C21orf58: variants seen among roughly 807,000 people sequenced by gnomAD.
The protein encoded by C21orf58 is uncharacterized protein C21orf58.
A neutral mutation model predicts 35.8 loss-of-function variants in C21orf58; 34 were observed. The observed-to-expected ratio is 0.95, with a 90% confidence interval of 0.72 to 1.26. The LOEUF is 1.26. Ranked by LOEUF, C21orf58 falls within the 50% of genes most tolerant of loss-of-function variation. C21orf58 has a pLI of 0.00. For missense variants in C21orf58, 440 were observed against 414.3 expected (o/e 1.06, Z -0.54); for synonymous variants, 191 against 175.8 (o/e 1.09, Z -0.68).
intron 5 of C21orf58, chr21:46,312,968 C>T (rs984833241): frequency 2.2e-5 from 22 of 983,876 alleles, no homozygotes; most frequent in Non-Finnish European, 2.5e-5. Context: ...GCCAAATATT[C>T]GAGCATGAAA....
Position 46,314,939 on chromosome 21 carries a change from G to A in C21orf58, c.445-59C>T, listed in dbSNP as rs1007355475. ...GACGGGGAGCCCCAACGCCACAGAG[G>A]CACCCCCAGCATCAGGCTCAGGCCA... On this transcript the variant is annotated intron_variant, in intron 4 of 7. Coordinates refer to ENST00000291691, the MANE Select transcript of C21orf58 (RefSeq NM_058180.5). 4.5e-6 allele frequency: 7 copies of A among 1,550,196 alleles called. No individual in the cohort carries two copies. In the Admixed American group the frequency reaches 1.4e-4, roughly 30 times the overall value.
chr21:46,311,819 C>T (rs1424490286), intron 5 of C21orf58, among the ~76,000 whole-genome samples: 3 of 150,526 alleles, frequency 2.0e-5, no homozygotes, highest in Non-Finnish European at 3.0e-5. Context: ...ATCCACCCAC[C>T]CATCCACCCA....
Position 46,301,694 on chromosome 21 carries a change from C to A in C21orf58, c.*305G>T. 1 of 1,159,390 alleles carries A rather than the reference C, an allele frequency of 8.6e-7. No homozygotes were observed. The highest frequency in any genetic ancestry group is 4.0e-5 in the East Asian group (1 of 24,754). 71.8% of individuals were successfully genotyped at this position (1,159,390 alleles called of 1,614,324 possible). ...GATGGAAGAGGGGGATCTGAGGCTC[C>A]CAGGTGGGCCGGCGCCGCCCTACAG... On this transcript the variant is annotated 3_prime_UTR_variant, in exon 8 of 8. Transcript: ENST00000291691.
intron 6 of C21orf58, among the ~76,000 whole-genome samples, chr21:46,305,888 G>A (rs1449293957): frequency 6.6e-6 from 1 of 152,002 alleles, no homozygotes; most frequent in Non-Finnish European, 1.5e-5. Context: ...CTTGCAGTGA[G>A]CTGAGATTGC....
Position 46,323,846 on chromosome 21 carries a change from G to T in C21orf58, c.-1108C>A. Reference sequence around the variant, plus strand: ...GACACAAAGCCCAGGGGCCGCCCGCGCGGGACCAGCAGCGCGAACTTTTTG... The same window carrying T: ...GACACAAAGCCCAGGGGCCGCCCGCTCGGGACCAGCAGCGCGAACTTTTTG... On this transcript the variant is annotated 5_prime_UTR_variant, in exon 1 of 8. Transcript: ENST00000291691. The T allele has an allele frequency of 5.4e-6, 2 of 369,854 alleles. No homozygotes were observed. Among genetic ancestry groups the T allele is most frequent in the East Asian group, 1.4e-4 (2 of 14,562 alleles). 22.9% of individuals were successfully genotyped at this position (369,854 alleles called of 1,614,324 possible). A position where few individuals can be genotyped will look rare whatever the true frequency, so the allele number is the denominator to read the frequency against.
chr21:46,318,164 C>A lies in C21orf58; in HGVS notation c.157G>T (p.Ala53Ser), dbSNP rs1346601347. The A allele has an allele frequency of 6.2e-7, 1 of 1,613,060 alleles. No homozygotes were observed. The highest frequency in any genetic ancestry group is 8.5e-7 in the Non-Finnish European group (1 of 1,180,020). ...TTACTCGCAGGAAAGAACTGCTCAGCAGGAGCCCAAGCACCGGTGTTGCCT... is the reference window on the plus strand; with the variant it reads ...TTACTCGCAGGAAAGAACTGCTCAGAAGGAGCCCAAGCACCGGTGTTGCCT... ...PAGNTGAWAP[A>S]EQFFPASNRT... Residue 53 changes from alanine to serine, a missense_variant, in exon 2 of 8, where the codon GCT becomes TCT. Ala to Ser is a moderately conservative substitution (Grantham distance 99, BLOSUM62 1). Coordinates refer to ENST00000291691, the MANE Select transcript of C21orf58 (RefSeq NM_058180.5).
At chr21:46,303,034 C>G (rs577464262) in intron 6 of C21orf58, among the ~76,000 whole-genome samples, 1 of 152,100 alleles carries the variant, frequency 6.6e-6, no homozygotes, top group African/African-American at 2.4e-5. Flanking sequence ...CGTGGTGGTT[C>G]AAGCCTGTAA....
intron 6 of C21orf58, among the ~76,000 whole-genome samples, chr21:46,303,190 T>A (rs1264384232): frequency 6.6e-6 from 1 of 151,642 alleles, no homozygotes; most frequent in Non-Finnish European, 1.5e-5. Flanking sequence ...TTAAAACATC[T>A]AAGCCAGTTG....
intron 6 of C21orf58, among the ~76,000 whole-genome samples, chr21:46,302,985 C>T (rs1043922077): frequency 1.3e-5 from 2 of 151,238 alleles, no homozygotes; most frequent in Non-Finnish European, 1.5e-5. Context: ...CCCCGGGGCG[C>T]GCCCTGAGTC....
At chr21:46,304,200 T>C (rs1009640340) in intron 6 of C21orf58, among the ~76,000 whole-genome samples, 3 of 151,250 alleles carry the variant, frequency 2.0e-5, no homozygotes, top group African/African-American at 7.3e-5. Flanking sequence ...CTAATTTTGT[T>C]TTTGTATTTT....
rs117585672 is a variant in C21orf58, at chr21:46,318,196, C to A, written c.125G>T (p.Arg42Leu). 1 of 1,612,494 alleles carries A rather than the reference C, an allele frequency of 6.2e-7. No homozygotes were observed. Among genetic ancestry groups the A allele is most frequent in the Non-Finnish European group, 8.5e-7 (1 of 1,180,006 alleles). Reference protein sequence around the residue: ...LCGWSPGGKARPAGNTGAWAP... With the variant: ...LCGWSPGGKALPAGNTGAWAP... ...CCAAGCACCGGTGTTGCCTGCAGGG[C>A]GGGCCTTACCTCCTGGAGACCAGCC... The change falls in exon 2 of 8, where the codon CGC becomes CTC. Residue 42 changes from arginine (R) to leucine (L), a missense_variant. Coordinates refer to ENST00000291691, the MANE Select transcript of C21orf58 (RefSeq NM_058180.5).
At chr21:46,321,176 A>T (rs528076089) in intron 1 of C21orf58, among the ~76,000 whole-genome samples, 30 of 151,886 alleles carry the variant, frequency 2.0e-4, no homozygotes, top group South Asian at 8.3e-4. Flanking sequence ...ATATATATAT[A>T]TATTTTTTTT....
chr21:46,320,352 T>C (rs984208082), intron 1 of C21orf58, among the ~76,000 whole-genome samples: 27 of 151,884 alleles, frequency 1.8e-4, no homozygotes, highest in Admixed American at 1.8e-3. Context: ...ATCTGCCGTC[T>C]TGGCCTCCCA....
chr21:46,306,595 GTATT>G (rs2082429880), intron 6 of C21orf58, among the ~76,000 whole-genome samples: 1 of 152,048 alleles, frequency 6.6e-6, no homozygotes, highest in South Asian at 2.1e-4. Context: ...ATTTATTTAT[GTATT>G]TATTTAGAGA....
chr21:46,320,936 T>C (rs1173972122), intron 1 of C21orf58: 2 of 152,240 alleles, frequency 1.3e-5, no homozygotes, highest in South Asian at 2.1e-4. Flanking sequence ...TGCCCACAGC[T>C]GTGACTGCCA....
chr21:46,321,577 T>A, intron 1 of C21orf58, among the ~76,000 whole-genome samples: 1 of 152,320 alleles, frequency 6.6e-6, no homozygotes, highest in South Asian at 2.1e-4. Context: ...TTTTGAAGAA[T>A]GTCCCTCAAT....
At chr21:46,322,615 G>C in intron 1 of C21orf58, 24 bp downstream of exon 1, 1 of 1,492,108 alleles carries the variant, frequency 6.7e-7, no homozygotes, top group Non-Finnish European at 9.0e-7. Flanking sequence ...TGGGAACCAG[G>C]AGACCGCTGG....
intron 1 of C21orf58, 78 bp from the exon 2 acceptor site, chr21:46,318,298 C>A: frequency 1.3e-6 from 2 of 1,570,866 alleles, no homozygotes; most frequent in Non-Finnish European, 1.7e-6. Flanking sequence ...CAGCGCTGGG[C>A]GCCGCGTGAC....
chr21:46,312,497 T>C (rs1337156175), intron 5 of C21orf58, among the ~76,000 whole-genome samples: 1 of 152,042 alleles, frequency 6.6e-6, no homozygotes, highest in African/African-American at 2.4e-5. Flanking sequence ...TTTTGTGTTT[T>C]TAGTATAGAC....
Sources: gnomAD v4.1 joint callset for allele counts (sites outside exome capture counted in the v4.1 genomes callset) on GRCh38, gnomAD v4.1.1 for gene constraint, MANE v1.5 for transcripts, NCBI Gene and HGNC (gene_info 2026-07-23, HGNC 2026-07-21) for gene names.